The following NYAP2 variants were observed in gnomAD, a reference collection of about 807,000 sequenced individuals.
NYAP2 encodes neuronal tyrosine-phosphorylated phosphoinositide-3-kinase adaptor 2, also known as neuronal tyrosine-phosphorylated phosphoinositide-3-kinase adapter 2.
In NYAP2, 23 loss-of-function variants were observed where a neutral mutation model predicts 50.4. That is an observed-to-expected ratio of 0.46 (90% CI 0.33 to 0.65). NYAP2 has a LOEUF of 0.65. NYAP2 is among the 30% of genes least tolerant of loss of function. The probability of loss-of-function intolerance (pLI) is 0.02; values close to 1 mark genes in which losing one functional copy is unlikely to be tolerated. For missense variants in NYAP2, 885 were observed against 861.0 expected, an observed-to-expected ratio of 1.03 and a Z score of -0.35; for synonymous variants, 394 against 365.2, an observed-to-expected ratio of 1.08 and a Z score of -0.90.
chr2:225,550,697 C>G (rs990928410), intron 4 of NYAP2, among the ~76,000 whole-genome samples: 11 of 151,988 alleles, frequency 7.2e-5, no homozygotes, highest in Non-Finnish European at 1.5e-5. Context: ...AAGAAAGATC[C>G]AGAGAAGAAA....
At chr2:225,444,455 A>G (rs995784342) in intron 3 of NYAP2, among the ~76,000 whole-genome samples, 2 of 152,168 alleles carry the variant, frequency 1.3e-5, no homozygotes, top group African/African-American at 4.8e-5. Context: ...ATTTGCATAT[A>G]AATTTATACA....
At chr2:225,648,802 A>G (rs1295958873) in intron 6 of NYAP2, among the ~76,000 whole-genome samples, 1 of 152,188 alleles carries the variant, frequency 6.6e-6, no homozygotes, top group East Asian at 1.9e-4. Context: ...AAAATCAAAA[A>G]GGAGCATGGG....
intron 3 of NYAP2, among the ~76,000 whole-genome samples, chr2:225,440,859 G>A (rs759442111): frequency 6.6e-6 from 1 of 152,162 alleles, no homozygotes; most frequent in East Asian, 1.9e-4. Context: ...TGGATGAATT[G>A]CCCTGATAAT....
chr2:225,437,543 C>T (rs1192529601), intron 3 of NYAP2, among the ~76,000 whole-genome samples: 1 of 152,126 alleles, frequency 6.6e-6, no homozygotes, highest in South Asian at 2.1e-4. Context: ...TCACTTCCTG[C>T]CACTAATTGG....
At chr2:225,676,783 C>T in the NYAP2 span, among the ~76,000 whole-genome samples, 2 of 152,146 alleles carry the variant, frequency 1.3e-5, no homozygotes, top group African/African-American at 2.4e-5. Flanking sequence ...CAAACTATAT[C>T]AAGTACTATG....
intron 3 of NYAP2, among the ~76,000 whole-genome samples, chr2:225,439,493 C>T (rs1049640459): frequency 6.6e-6 from 1 of 152,256 alleles, no homozygotes; most frequent in East Asian, 1.9e-4. Flanking sequence ...AGATTTCAGC[C>T]TGTAGCCATA....
chr2:225,478,565 C>T (rs1690156080), intron 3 of NYAP2, among the ~76,000 whole-genome samples: 1 of 152,188 alleles, frequency 6.6e-6, no homozygotes, highest in African/African-American at 2.4e-5. Context: ...AGAACCAAAT[C>T]CAACTTCAAG....
the NYAP2 span, chr2:225,698,936 T>C: frequency 6.6e-6 from 1 of 151,960 alleles, no homozygotes; most frequent in Non-Finnish European, 1.5e-5. Flanking sequence ...GCATTTAAAA[T>C]GTTTTTTTTC....
chr2:225,638,694 C>T (rs1352768619), intron 6 of NYAP2, among the ~76,000 whole-genome samples: 1 of 152,136 alleles, frequency 6.6e-6, no homozygotes, highest in Non-Finnish European at 1.5e-5. Context: ...GGAAAGCACC[C>T]CAAGAAGACA....
intron 5 of NYAP2, among the ~76,000 whole-genome samples, chr2:225,595,007 A>G (rs1236858893): frequency 2.0e-5 from 3 of 152,128 alleles, no homozygotes; most frequent in Non-Finnish European, 4.4e-5. Flanking sequence ...AAGAACCCAG[A>G]ACAGCTGAAC....
At chr2:225,526,506 A>G (rs1390105179) in intron 4 of NYAP2, among the ~76,000 whole-genome samples, 1 of 152,194 alleles carries the variant, frequency 6.6e-6, no homozygotes, top group Non-Finnish European at 1.5e-5. Context: ...AGCCCTTTGA[A>G]TAGCTGCTTA....
chr2:225,411,067 A>G (rs534746342), intron 3 of NYAP2, among the ~76,000 whole-genome samples: 19 of 152,144 alleles, frequency 1.2e-4, no homozygotes, highest in Admixed American at 2.6e-4. Context: ...ATTCACTTCT[A>G]CTCACCCCAT....
chr2:225,476,829 AATAATT>A, intron 3 of NYAP2, among the ~76,000 whole-genome samples: 2 of 152,324 alleles, frequency 1.3e-5, no homozygotes, highest in South Asian at 4.1e-4. Context: ...AAATGAATAT[AATAATT>A]ATAAAGTGAT....
At chr2:225,543,475 A>C (rs962120686) in intron 4 of NYAP2, among the ~76,000 whole-genome samples, 2 of 151,926 alleles carry the variant, frequency 1.3e-5, no homozygotes, top group Admixed American at 1.3e-4. Context: ...TGTTTTAAGA[A>C]ATTTTCCAAT....
At chr2:225,654,737 C>T (rs1693797457), downstream of NYAP2, among the ~76,000 whole-genome samples, 1 of 152,104 alleles carries the variant, frequency 6.6e-6, no homozygotes. Flanking sequence ...CAGTCACTCA[C>T]CTCTAAATAA....
chr2:225,675,641 T>C, the NYAP2 span, among the ~76,000 whole-genome samples: 1 of 152,256 alleles, frequency 6.6e-6, no homozygotes, highest in South Asian at 2.1e-4. Context: ...ATGAATTGTT[T>C]TCCTGTGGGT....
At chr2:225,510,913 A>G (rs112186314) in intron 3 of NYAP2, among the ~76,000 whole-genome samples, 1 of 152,264 alleles carries the variant, frequency 6.6e-6, no homozygotes, top group African/African-American at 2.4e-5. Context: ...TCCGGGAAAA[A>G]GTTCAGGCTC....
the NYAP2 span, among the ~76,000 whole-genome samples, chr2:225,666,268 T>TGTCATTGACATTTTGCA: frequency 6.6e-6 from 1 of 152,300 alleles, no homozygotes; most frequent in Non-Finnish European, 1.5e-5. Context: ...CATATATCAC[T>TGTCATTGACATTTTGCA]GTCATTGACA....
intron 6 of NYAP2, among the ~76,000 whole-genome samples, chr2:225,646,269 T>C (rs1254368384): frequency 6.6e-6 from 1 of 152,172 alleles, no homozygotes; most frequent in African/African-American, 2.4e-5. Context: ...ATATTCCTGC[T>C]GGCTGGGCAC....
Sources: allele counts gnomAD v4.1 joint callset (sites outside exome capture counted in the v4.1 genomes callset), GRCh38; gene constraint gnomAD v4.1.1; transcripts MANE v1.5; gene names NCBI Gene and HGNC (gene_info 2026-07-23, HGNC 2026-07-21).